TBC1D8B: variants seen among roughly 807,000 people sequenced by gnomAD.
TBC1D8B encodes the protein TBC1 domain family member 8B, also known as RP11-321G1.1.
In TBC1D8B, 75 loss-of-function variants were observed where a neutral mutation model predicts 82.9. That is an observed-to-expected ratio of 0.90 (90% CI 0.75 to 1.10). The LOEUF (loss-of-function observed/expected upper bound fraction) is 1.10, where lower values mean the gene tolerates loss of function less well. TBC1D8B is among the 50% of genes least tolerant of loss of function. TBC1D8B has a pLI of 0.00. For synonymous variants in TBC1D8B, 276 were observed against 276.8 expected (o/e 1.00, Z 0.03); for missense variants, 794 against 796.9 (o/e 1.00, Z 0.04).
intron 6 of TBC1D8B, among the ~76,000 whole-genome samples, chrX:106,826,577 C>A: frequency 1.4e-5 from 1 of 73,371 alleles, no homozygotes; most frequent in African/African-American, 5.2e-5. Context: ...CCCCCTCCCC[C>A]CACCCCACAA....
chrX:106,853,061 G>T (rs1207737119), intron 12 of TBC1D8B, among the ~76,000 whole-genome samples: 1 of 111,484 alleles, frequency 9.0e-6, no homozygotes, highest in Admixed American at 9.5e-5. Flanking sequence ...TATGAGCATG[G>T]AATGTTCTTC....
rs762208344 is a variant in TBC1D8B at position 106,813,354 on chromosome X, T to C, written c.131-5309T>C. On this transcript the variant is annotated intron_variant, in intron 1 of 20. Coordinates refer to ENST00000357242, the MANE Select transcript of TBC1D8B (RefSeq NM_017752.3). ...GAGCTGGAAGAGTTCCCCAAGTGACTAGAAATGTAGTCTAGCACTAGTTTC... is the reference window on the plus strand; with the variant it reads ...GAGCTGGAAGAGTTCCCCAAGTGACCAGAAATGTAGTCTAGCACTAGTTTC... Among the ~76,000 whole-genome samples the C allele has an allele frequency of 2.7e-5, 3 of 112,170 alleles. No individual in the cohort carries two copies. The East Asian group carries it at 8.4e-4, about 31-fold the overall frequency.
At chrX:106,836,964 C>T (rs1361703604) in intron 7 of TBC1D8B, among the ~76,000 whole-genome samples, 1 of 111,319 alleles carries the variant, frequency 9.0e-6, no homozygotes, top group Non-Finnish European at 1.9e-5. Flanking sequence ...ACAAATGGTG[C>T]TGAAACAATG....
At chrX:106,870,138 C>T (rs1300694179) in intron 19 of TBC1D8B, among the ~76,000 whole-genome samples, 1 of 111,816 alleles carries the variant, frequency 8.9e-6, no homozygotes, top group Non-Finnish European at 1.9e-5. Context: ...TCAAGCCATT[C>T]TCCTGCCTCA....
chrX:106,828,812 A>T, intron 7 of TBC1D8B: 1 of 109,326 alleles, frequency 9.1e-6, no homozygotes, highest in East Asian at 2.8e-4. Context: ...AGAGCTATCT[A>T]TGACAAACCC....
At chrX:106,831,497 C>T (rs769224333) in intron 7 of TBC1D8B, among the ~76,000 whole-genome samples, 2 of 111,382 alleles carry the variant, frequency 1.8e-5, no homozygotes, top group South Asian at 7.6e-4. Flanking sequence ...GTAGTTTTCT[C>T]TCCCAATGCT....
At chrX:106,845,953 G>A (rs1424827256) in intron 10 of TBC1D8B, among the ~76,000 whole-genome samples, 1 of 109,882 alleles carries the variant, frequency 9.1e-6, no homozygotes, top group Non-Finnish European at 1.9e-5. Context: ...GGAACCACTA[G>A]ACAAGTCAAA....
chrX:106,826,859 C>T (rs2147737220), intron 6 of TBC1D8B, among the ~76,000 whole-genome samples: 1 of 111,132 alleles, frequency 9.0e-6, no homozygotes, highest in African/African-American at 3.3e-5. Flanking sequence ...TTGATGTACT[C>T]TGTCAGAAAA....
intron 14 of TBC1D8B, among the ~76,000 whole-genome samples, chrX:106,863,899 G>A (rs1486354345): frequency 1.8e-5 from 2 of 111,676 alleles, no homozygotes; most frequent in African/African-American, 3.3e-5. Context: ...GGGGTCGTCC[G>A]CCCTGCCGTG....
chrX:106,819,381 A>G (rs1467035259), intron 2 of TBC1D8B, among the ~76,000 whole-genome samples: 1 of 110,930 alleles, frequency 9.0e-6, no homozygotes, highest in Non-Finnish European at 1.9e-5. Flanking sequence ...AAGCAAGTCA[A>G]AATAAATTTT....
In TBC1D8B at chrX:106,874,761, C is replaced by T. The variant is rs1932875575; in HGVS notation, c.*796C>T. The T allele has an allele frequency of 1.8e-5, 2 of 111,612 alleles. No homozygotes were observed. Among genetic ancestry groups the T allele is most frequent in the Admixed American group, 1.9e-4 (2 of 10,501 alleles). 9.2% of individuals were successfully genotyped at this position (111,612 alleles called of 1,213,427 possible). ...TAACTGTATAGGTCTTTCATTAGACCGAGACATCACTAGAAATTCTGGGCA... is the reference window on the plus strand; with the variant it reads ...TAACTGTATAGGTCTTTCATTAGACTGAGACATCACTAGAAATTCTGGGCA... On this transcript the variant is annotated 3_prime_UTR_variant, in exon 21 of 21. Coordinates refer to ENST00000357242, the MANE Select transcript of TBC1D8B (RefSeq NM_017752.3).
chrX:106,806,292 G>T (rs971498652), intron 1 of TBC1D8B, among the ~76,000 whole-genome samples: 1 of 111,624 alleles, frequency 9.0e-6, no homozygotes, highest in African/African-American at 3.3e-5. Context: ...GGAAATTTTT[G>T]GTATACATAA....
rs1441560990 is a variant in TBC1D8B, at chrX:106,874,001, A to G, written c.*36A>G. 2 of 1,142,268 alleles carry G rather than the reference A, an allele frequency of 1.8e-6. No individual in the cohort carries two copies. Among genetic ancestry groups the G allele is most frequent in the South Asian group, 4.3e-5 (2 of 46,389 alleles). 94.1% of individuals were successfully genotyped at this position (1,142,268 alleles called of 1,213,427 possible). On this transcript the variant is annotated 3_prime_UTR_variant, in exon 21 of 21. Transcript: ENST00000357242. ...ATTGCCTATCATAGACAAGTTTACTAACATTCCTGTAGCTGTCAGTTTGAT... is the reference window on the plus strand; with the variant it reads ...ATTGCCTATCATAGACAAGTTTACTGACATTCCTGTAGCTGTCAGTTTGAT...
chrX:106,836,962 T>C (rs773334207), intron 7 of TBC1D8B, among the ~76,000 whole-genome samples: 1 of 111,547 alleles, frequency 9.0e-6, no homozygotes, highest in South Asian at 3.8e-4. Flanking sequence ...CAACAAATGG[T>C]GCTGAAACAA....
At chrX:106,851,904 A>G (rs1297019957) in intron 12 of TBC1D8B, among the ~76,000 whole-genome samples, 2 of 111,186 alleles carry the variant, frequency 1.8e-5, no homozygotes, top group Non-Finnish European at 3.8e-5. Flanking sequence ...TAGCAGCATG[A>G]TTTATAATCC....
chrX:106,865,235 A>G (rs760023899), intron 14 of TBC1D8B, among the ~76,000 whole-genome samples: 2 of 111,875 alleles, frequency 1.8e-5, no homozygotes, highest in South Asian at 7.5e-4. Context: ...AGAGAGGAAT[A>G]TATGGAATAG....
intron 14 of TBC1D8B, among the ~76,000 whole-genome samples, chrX:106,855,914 T>C (rs1932686019): frequency 9.0e-6 from 1 of 111,427 alleles, no homozygotes. Context: ...CACACACTCG[T>C]AGTCCCAGCT....
intron 12 of TBC1D8B, 92 bp from the exon 13 acceptor site, chrX:106,853,429 C>T: frequency 3.2e-6 from 3 of 931,963 alleles, no homozygotes; most frequent in Non-Finnish European, 4.5e-6. Context: ...TTGAAAGTAA[C>T]CTCTAACTAA....
At chrX:106,867,344 C>G (rs762184855) in intron 17 of TBC1D8B, among the ~76,000 whole-genome samples, 3 of 111,949 alleles carry the variant, frequency 2.7e-5, no homozygotes, top group Non-Finnish European at 5.6e-5. Context: ...ACTTTACATG[C>G]ATTTTTAAAA....
Sources: allele counts gnomAD v4.1 joint callset (sites outside exome capture counted in the v4.1 genomes callset), GRCh38; gene constraint gnomAD v4.1.1; transcripts MANE v1.5; gene names NCBI Gene and HGNC (gene_info 2026-07-23, HGNC 2026-07-21).